INSR: variants seen among roughly 807,000 people sequenced by gnomAD.
The protein encoded by INSR is insulin receptor.
INSR carries 67 observed loss-of-function variants against 142.6 expected under a neutral mutation model. That is an observed-to-expected ratio of 0.47 (90% CI 0.39 to 0.58). The LOEUF (loss-of-function observed/expected upper bound fraction) is 0.58, where lower values mean the gene tolerates loss of function less well. Ranked by LOEUF, INSR falls within the 20% of genes least tolerant of loss-of-function variation. The pLI, the probability that INSR is intolerant of heterozygous loss-of-function variation, is 0.00. For missense variants in INSR, 1,248 were observed against 1,833.2 expected (o/e 0.68, Z 5.83); for synonymous variants, 756 against 743.1 (o/e 1.02, Z -0.28).
chr19:7,223,880 T>A (rs930819676), intron 2 of INSR, among the ~76,000 whole-genome samples: 1 of 152,112 alleles, frequency 6.6e-6, no homozygotes, highest in South Asian at 2.1e-4. Flanking sequence ...TGATGGATAT[T>A]ACTCTATTAA....
rs914916348 is a variant in INSR, at chr19:7,168,254, G to C, written c.1484-160C>G. ...CCCATGTGCCTGGCTGAGTATGAAT[G>C]GGGGAAGATTCAAAGGTAAGAGCCA... On this transcript the variant is annotated intron_variant, in intron 6 of 21. Coordinates refer to ENST00000302850, the MANE Select transcript of INSR (RefSeq NM_000208.4). The surrounding 1 kb of genome is among the most constrained non-coding windows in gnomAD (Gnocchi z 4.3). 3.9e-5 allele frequency among the ~76,000 whole-genome samples: 6 copies of C among 152,102 alleles called. No individual in the cohort carries two copies. The highest frequency in any genetic ancestry group is 1.4e-4 in the African/African-American group (6 of 41,406).
chr19:7,195,721 C>T (rs920316864), intron 2 of INSR, among the ~76,000 whole-genome samples: 5 of 151,660 alleles, frequency 3.3e-5, no homozygotes, highest in Non-Finnish European at 5.9e-5. Context: ...AGGAATTGTG[C>T]GGACTTAAGA....
At position 7,176,310 on chromosome 19, in the gene INSR, T is replaced by C. The variant is rs559563985; in HGVS notation, c.975-1579A>G. Among the ~76,000 whole-genome samples the C allele has an allele frequency of 7.9e-5, 12 of 152,222 alleles. No homozygotes were observed. The South Asian group carries it at 2.3e-3, about 29-fold the overall frequency. On this transcript the variant is annotated intron_variant, in intron 3 of 21. Transcript: ENST00000302850. ...CACGAGATCTGGTTGTTTAAAAGTA[T>C]GTAGCACCAGCCGGGCATGGTGGCT...
chr19:7,229,332 A>ATGAATAGATGGATG (rs1568204425), intron 2 of INSR, among the ~76,000 whole-genome samples: 1 of 81,902 alleles, frequency 1.2e-5, no homozygotes, highest in African/African-American at 4.4e-5. Flanking sequence ...ATGGATGGAT[A>ATGAATAGATGGATG]GATGGATGGA....
At chr19:7,174,924 C>G (rs571681906) in intron 3 of INSR, among the ~76,000 whole-genome samples, 193 bp from the exon 4 acceptor site, 19 of 152,170 alleles carry the variant, frequency 1.2e-4, no homozygotes, top group African/African-American at 4.6e-4. Flanking sequence ...CTCACTGCAA[C>G]CTCTGCCTTC....
In INSR at chr19:7,294,013, G is replaced by T; in HGVS notation, c.-122C>A. The T allele has an allele frequency of 9.6e-7, 1 of 1,047,042 alleles. No individual in the cohort carries two copies. Among genetic ancestry groups the T allele is most frequent in the Non-Finnish European group, 1.2e-6 (1 of 855,216 alleles). 64.9% of individuals were successfully genotyped at this position (1,047,042 alleles called of 1,614,324 possible). On this transcript the variant is annotated 5_prime_UTR_variant, in exon 1 of 22. Coordinates refer to ENST00000302850, the MANE Select transcript of INSR (RefSeq NM_000208.4). ...GCGCGTCCTTCTCTTCCACGCCCGC[G>T]ACCCGCGGGCCGCAGCCCCCCTGCC...
intron 13 of INSR, among the ~76,000 whole-genome samples, chr19:7,136,914 C>A (rs1254497979): frequency 1.3e-5 from 2 of 150,948 alleles, no homozygotes; most frequent in Non-Finnish European, 2.9e-5. Context: ...ATCACTGCAA[C>A]CTCTGCCTCC....
intron 2 of INSR, among the ~76,000 whole-genome samples, chr19:7,236,693 C>G (rs1248417405): frequency 6.6e-6 from 1 of 152,134 alleles, no homozygotes; most frequent in Non-Finnish European, 1.5e-5. Context: ...TATGTTTTCA[C>G]TCATAAGTGG....
In INSR at chr19:7,156,086, A is replaced by G. The variant is rs1192885707; in HGVS notation, c.2030-3159T>C. On this transcript the variant is annotated intron_variant, in intron 9 of 21. Coordinates refer to ENST00000302850, the MANE Select transcript of INSR (RefSeq NM_000208.4). ...TTTTTTTTTTTTTTTTTTTTGAGAC[A>G]GTCTTGCTCTGTCGCCCAGGCTGGA... is the stretch of plus-strand genomic sequence containing the variant. Among the ~76,000 whole-genome samples the G allele has an allele frequency of 7.2e-5, 7 of 97,432 alleles. No homozygotes were observed. The East Asian group carries it at 2.4e-3, about 34-fold the overall frequency. 63.9% of individuals were successfully genotyped at this position (97,432 alleles called of 152,430 possible).
chr19:7,123,260 C>T, intron 17 of INSR: 1 of 419,372 alleles, frequency 2.4e-6, no homozygotes, highest in South Asian at 2.3e-5. Context: ...CCTTTGCCTC[C>T]CGGGTTCAAG....
At chr19:7,229,527 T>C (rs939585821) in intron 2 of INSR, among the ~76,000 whole-genome samples, 1 of 152,118 alleles carries the variant, frequency 6.6e-6, no homozygotes, top group African/African-American at 2.4e-5. Flanking sequence ...ATCCATGACA[T>C]AGGAGAGTAC....
Position 7,141,872 on chromosome 19 carries a change from C to T in INSR, c.2543-56G>A, listed in dbSNP as rs1263943667. The T allele has an allele frequency of 4.9e-6, 7 of 1,430,360 alleles. No individual in the cohort carries two copies. In the African/African-American group the frequency reaches 7.0e-5, roughly 14 times the overall value. 88.6% of individuals were successfully genotyped at this position (1,430,360 alleles called of 1,614,324 possible). ...GTAACTCTTGGATGAGATCCCACTT[C>T]TGCCACCTGTCCATGGTGCAACCTT... On this transcript the variant is annotated intron_variant, in intron 12 of 21. Transcript: ENST00000302850.
chr19:7,222,550 C>T (rs1196978770), intron 2 of INSR, among the ~76,000 whole-genome samples: 1 of 152,090 alleles, frequency 6.6e-6, no homozygotes, highest in East Asian at 1.9e-4. Context: ...TGGGCCACCA[C>T]AGCTGGCTAA....
chr19:7,266,384 T>G (rs1450674721), intron 2 of INSR, among the ~76,000 whole-genome samples: 1 of 18,108 alleles, frequency 5.5e-5, no homozygotes, highest in African/African-American at 3.3e-4. Context: ...AGAAATTATC[T>G]TTTTTTTTTT....
intron 2 of INSR, among the ~76,000 whole-genome samples, chr19:7,224,656 C>A (rs914618097): frequency 6.6e-6 from 1 of 152,072 alleles, no homozygotes. Flanking sequence ...GCACCCTGGG[C>A]GAAGGGGCCA....
chr19:7,232,319 C>T (rs1976004762), intron 2 of INSR, among the ~76,000 whole-genome samples: 1 of 152,072 alleles, frequency 6.6e-6, no homozygotes, highest in Non-Finnish European at 1.5e-5. Flanking sequence ...TTAAGCGATT[C>T]TCCTGCCTCA....
At chr19:7,218,011 G>A (rs1975488530) in intron 2 of INSR, among the ~76,000 whole-genome samples, 1 of 152,194 alleles carries the variant, frequency 6.6e-6, no homozygotes, top group Admixed American at 6.6e-5. Flanking sequence ...AGTCCCCAGA[G>A]CTGTCTCCAC....
At chr19:7,156,907 G>A (rs1973609020) in intron 9 of INSR, among the ~76,000 whole-genome samples, 1 of 149,108 alleles carries the variant, frequency 6.7e-6, no homozygotes, top group Non-Finnish European at 1.5e-5. Context: ...TCCTGTCTCA[G>A]CTCCACTCCC....
chr19:7,132,526 A>G (rs1450462598), intron 13 of INSR, among the ~76,000 whole-genome samples: 1 of 152,180 alleles, frequency 6.6e-6, no homozygotes, highest in Non-Finnish European at 1.5e-5. Flanking sequence ...GGTTATCATT[A>G]TCGGTAAGAG....
Sources: allele counts gnomAD v4.1 joint callset (sites outside exome capture counted in the v4.1 genomes callset), GRCh38; gene constraint gnomAD v4.1.1; non-coding constraint Gnocchi (gnomAD v3.1); transcripts MANE v1.5; gene names NCBI Gene and HGNC (gene_info 2026-07-23, HGNC 2026-07-21).